ZSWIM6: variants seen among roughly 807,000 people sequenced by gnomAD.
ZSWIM6 encodes zinc finger SWIM-type containing 6, also known as zinc finger SWIM domain-containing protein 6.
In ZSWIM6, 9 loss-of-function variants were observed where a neutral mutation model predicts 113.2. That is an observed-to-expected ratio of 0.08 (90% confidence interval 0.05 to 0.14). The LOEUF is 0.14. ZSWIM6 is among the 10% of genes least tolerant of loss of function. ZSWIM6 has a pLI of 1.00. For synonymous variants in ZSWIM6, 611 were observed against 606.5 expected, an observed-to-expected ratio of 1.01 and a Z score of -0.11; for missense variants, 1,162 against 1,552.2, an observed-to-expected ratio of 0.75 and a Z score of 4.22.
intron 1 of ZSWIM6, among the ~76,000 whole-genome samples, chr5:61,348,924 G>A (rs116290334): frequency 2.6e-5 from 4 of 151,944 alleles, no homozygotes; most frequent in Non-Finnish European, 4.4e-5. Flanking sequence ...CCTGATTCAC[G>A]GTCTTTTCCA....
intron 1 of ZSWIM6, among the ~76,000 whole-genome samples, chr5:61,352,192 C>T (rs980735498): frequency 7.2e-5 from 11 of 152,182 alleles, no homozygotes; most frequent in African/African-American, 2.7e-4. Flanking sequence ...TTGGTTCATG[C>T]CCTAATTGTC....
intron 1 of ZSWIM6, among the ~76,000 whole-genome samples, chr5:61,374,667 C>T (rs956710107): frequency 1.1e-4 from 16 of 152,192 alleles, no homozygotes; most frequent in Admixed American, 4.6e-4. Context: ...CATTCTCCTG[C>T]CTCAGCCTCC....
At position 61,494,249 on chromosome 5, in the gene ZSWIM6, T is replaced by C. The variant is rs2112219662; in HGVS notation, c.1183-11T>C. On this transcript the variant is annotated splice_polypyrimidine_tract_variant and intron_variant, in intron 3 of 13. Transcript: ENST00000252744. ...TGAACAATTTTCTAAAGGTCTGTTT[T>C]TCCCCATTAGGTGCGGGAGATGTTA... 1.3e-6 allele frequency: 2 copies of C among 1,549,104 alleles called. No individual in the cohort carries two copies. The highest frequency in any genetic ancestry group is 2.4e-5 in the East Asian group (1 of 40,856).
intron 1 of ZSWIM6, among the ~76,000 whole-genome samples, chr5:61,410,950 CA>C (rs1219754291): frequency 6.6e-6 from 1 of 151,980 alleles, no homozygotes; most frequent in African/African-American, 2.4e-5. Context: ...GGACTCAAGG[CA>C]AAAAACGCTT....
chr5:61,421,061 C>T (rs1202160562), intron 1 of ZSWIM6, among the ~76,000 whole-genome samples: 1 of 151,852 alleles, frequency 6.6e-6, no homozygotes, highest in African/African-American at 2.4e-5. Flanking sequence ...CTGGAATTAC[C>T]GGCGCACCCT....
intron 1 of ZSWIM6, among the ~76,000 whole-genome samples, chr5:61,424,359 A>C (rs1461879967): frequency 6.6e-6 from 1 of 152,174 alleles, no homozygotes; most frequent in East Asian, 1.9e-4. Flanking sequence ...TTATAATTGC[A>C]CTTATTGGAA....
Position 61,521,451 on chromosome 5 carries a change from AC to A in ZSWIM6, c.1513+11del. 6.9e-7 allele frequency: 1 copy of A among 1,451,272 alleles called. No homozygotes were observed. 89.9% of individuals were successfully genotyped at this position (1,451,272 alleles called of 1,614,324 possible). A position where few individuals can be genotyped will look rare whatever the true frequency, so the allele number is the denominator to read the frequency against. On this transcript the variant is annotated intron_variant, in intron 5 of 13. Transcript: ENST00000252744. Reference sequence around the variant, plus strand: ...TGCAAATGCCAACCAAGGTGAGTCTACCATAATGTTCTGCTTAAATTGTAGC... The same window carrying A: ...TGCAAATGCCAACCAAGGTGAGTCTACATAATGTTCTGCTTAAATTGTAGC...
At chr5:61,487,037 C>G (rs1414747520) in intron 2 of ZSWIM6, among the ~76,000 whole-genome samples, 1 of 151,870 alleles carries the variant, frequency 6.6e-6, no homozygotes, top group African/African-American at 2.4e-5. Flanking sequence ...AGGTTTTCTT[C>G]TAGTATTTTT....
Position 61,543,627 on chromosome 5 carries a change from G to A in ZSWIM6, c.2958G>A (p.Gln986=), listed in dbSNP as rs1385245211. 1.9e-6 allele frequency: 3 copies of A among 1,551,794 alleles called. No homozygotes were observed. Among genetic ancestry groups the A allele is most frequent in the Non-Finnish European group, 2.6e-6 (3 of 1,147,010 alleles). Residue 986 remains glutamine, a synonymous_variant, in exon 14 of 14, where the codon CAG becomes CAA. Transcript: ENST00000252744. The surrounding 1 kb of genome is among the most constrained non-coding windows in gnomAD (Gnocchi z 4.3). ...GCAGCGCCCGGACACTTGCACTGCA[G>A]TGTGCCATGAAGGATCCACAGAACT... ...LASSARTLAL[Q]CAMKDPQNCA...
chr5:61,368,708 G>C (rs966719952), intron 1 of ZSWIM6, among the ~76,000 whole-genome samples: 1 of 152,174 alleles, frequency 6.6e-6, no homozygotes, highest in Non-Finnish European at 1.5e-5. Flanking sequence ...ATCAAGAAAG[G>C]ACATATATCT....
At chr5:61,433,726 G>A (rs1271587018) in intron 1 of ZSWIM6, among the ~76,000 whole-genome samples, 1 of 151,808 alleles carries the variant, frequency 6.6e-6, no homozygotes, top group Admixed American at 6.6e-5. Flanking sequence ...CACCTGCCTC[G>A]GCCTCCCAAA....
intron 4 of ZSWIM6, among the ~76,000 whole-genome samples, chr5:61,512,640 T>A (rs1019910338): frequency 2.0e-5 from 3 of 152,178 alleles, no homozygotes; most frequent in African/African-American, 7.2e-5. Flanking sequence ...GCTGTCAGGT[T>A]AAAAATTTTT....
chr5:61,529,571 T>G (rs1749375732), intron 7 of ZSWIM6, among the ~76,000 whole-genome samples: 1 of 152,204 alleles, frequency 6.6e-6, no homozygotes, highest in Non-Finnish European at 1.5e-5. Flanking sequence ...CATGACCCAG[T>G]TAACACTGAT....
chr5:61,440,096 T>C (rs1202513840), intron 1 of ZSWIM6, among the ~76,000 whole-genome samples: 1 of 152,020 alleles, frequency 6.6e-6, no homozygotes, highest in Non-Finnish European at 1.5e-5. Context: ...TACCACAGTT[T>C]TGTTTAGTGC....
rs572591924 is a variant in ZSWIM6 at position 61,382,809 on chromosome 5, TAAAA to T, written c.676+49868_676+49871del. ...AACAGAGCAAGACTCTGTCTAAAAA[TAAAA>T]AAAAAAGAAAGAAAGAAAGAAAGAA... On this transcript the variant is annotated intron_variant, in intron 1 of 13. Coordinates refer to ENST00000252744, the MANE Select transcript of ZSWIM6 (RefSeq NM_020928.2). Among the ~76,000 whole-genome samples the T allele has an allele frequency of 3.8e-3, 490 of 128,418 alleles. 3 individuals carry two copies. Among genetic ancestry groups the T allele is most frequent in the African/African-American group, 0.012 (440 of 36,226 alleles). The allele number at this position is 128,418 out of a possible 152,430, so 84.2% of individuals were successfully genotyped here.
chr5:61,411,163 AT>A, intron 1 of ZSWIM6, among the ~76,000 whole-genome samples: 1 of 152,292 alleles, frequency 6.6e-6, no homozygotes, highest in Middle Eastern at 3.4e-3. Context: ...TGTATTTAGA[AT>A]GAGGTTTCCT....
intron 4 of ZSWIM6, among the ~76,000 whole-genome samples, chr5:61,497,106 G>GAAA (rs34912981): frequency 8.3e-6 from 1 of 119,796 alleles, no homozygotes. Flanking sequence ...AGTACACCAG[G>GAAA]AAAAAAAAAA....
In ZSWIM6 at chr5:61,332,620, C is replaced by G; in HGVS notation, c.348C>G (p.Arg116=). The change falls in exon 1 of 14, where the codon CGC becomes CGG. Residue 116 remains arginine (R), a synonymous_variant. Coordinates refer to ENST00000252744, the MANE Select transcript of ZSWIM6 (RefSeq NM_020928.2). Reference sequence around the variant, plus strand: ...GCATAGTCTATTGGTCCTTCCCCCGCAGCGAGCGGGAGATCTGCATGTACT... The same window carrying G: ...GCATAGTCTATTGGTCCTTCCCCCGGAGCGAGCGGGAGATCTGCATGTACT... ...QRRIVYWSFP[R]SEREICMYSS... 7.9e-7 allele frequency: 1 copy of G among 1,261,352 alleles called. No homozygotes were observed. The highest frequency in any genetic ancestry group is 1.0e-6 in the Non-Finnish European group (1 of 969,680). 78.1% of individuals were successfully genotyped at this position (1,261,352 alleles called of 1,614,324 possible).
At chr5:61,432,225 G>A (rs1746599662) in intron 1 of ZSWIM6, among the ~76,000 whole-genome samples, 1 of 152,168 alleles carries the variant, frequency 6.6e-6, no homozygotes, top group South Asian at 2.1e-4. Flanking sequence ...ACTTCGGCTT[G>A]TGCTAGGTTT....
Sources: gnomAD v4.1 joint callset for allele counts (sites outside exome capture counted in the v4.1 genomes callset) on GRCh38, gnomAD v4.1.1 for gene constraint, Gnocchi (gnomAD v3.1) non-coding constraint, MANE v1.5 for transcripts, NCBI Gene and HGNC (gene_info 2026-07-23, HGNC 2026-07-21) for gene names.